Variants in NAV3 observed in about 807,000 individuals in gnomAD.
NAV3 encodes the protein pore membrane and/or filament interacting like protein 1.
In NAV3, 87 loss-of-function variants were observed where a neutral mutation model predicts 244.7. The observed-to-expected ratio is 0.36, with a 90% CI of 0.30 to 0.42. The LOEUF is 0.42. NAV3 is among the 20% of genes least tolerant of loss of function. NAV3 has a pLI of 1.00. For missense variants in NAV3, 2,663 were observed against 2,893.3 expected, an observed-to-expected ratio of 0.92 and a Z score of 1.83; for synonymous variants, 1,126 against 1,042.2, an observed-to-expected ratio of 1.08 and a Z score of -1.55.
At chr12:78,209,650 C>T (rs1363023465) in intron 39 of NAV3, among the ~76,000 whole-genome samples, 1 of 152,028 alleles carries the variant, frequency 6.6e-6, no homozygotes, top group Non-Finnish European at 1.5e-5. Flanking sequence ...ATGCTAGCTG[C>T]CTTTCTCCCC....
chr12:77,946,749 A>T, intron 3 of NAV3, among the ~76,000 whole-genome samples: 1 of 152,304 alleles, frequency 6.6e-6, no homozygotes, highest in African/African-American at 2.4e-5. Flanking sequence ...AATAGCAAAA[A>T]TATGTCCAAC....
rs2136594975 is a variant in NAV3, at chr12:78,007,274, G to A, written c.1736G>A (p.Cys579Tyr). 1 of 1,614,196 alleles carries A rather than the reference G, an allele frequency of 6.2e-7. No homozygotes were observed. The highest frequency in any genetic ancestry group is 8.5e-7 in the Non-Finnish European group (1 of 1,180,036). ...ITMEKASASS[C>Y]PAPLEGREAG... is the part of the protein sequence containing the mutation. Reference sequence around the variant, plus strand: ...ATGGAGAAAGCAAGTGCTTCTAGTTGTCCTGCCCCTTTGGAAGGAAGGGAA... The same window carrying A: ...ATGGAGAAAGCAAGTGCTTCTAGTTATCCTGCCCCTTTGGAAGGAAGGGAA... The change falls in exon 8 of 40, where the codon TGT becomes TAT. Residue 579 changes from cysteine (C) to tyrosine (Y), a missense_variant. By Grantham distance (194) the Cys-to-Tyr change is radical (BLOSUM62 -2). Coordinates refer to ENST00000397909, the MANE Select transcript of NAV3 (RefSeq NM_001024383.2).
intron 2 of NAV3, among the ~76,000 whole-genome samples, chr12:77,611,796 T>A (rs1437623916): frequency 6.6e-6 from 1 of 151,966 alleles, no homozygotes; most frequent in Non-Finnish European, 1.5e-5. Flanking sequence ...TAAGTATAAT[T>A]TTTTTTACTT....
intron 2 of NAV3, among the ~76,000 whole-genome samples, chr12:77,613,317 CA>C (rs1871003834): frequency 6.6e-6 from 1 of 152,106 alleles, no homozygotes; most frequent in Non-Finnish European, 1.5e-5. Context: ...ACTTTTATTT[CA>C]CTTGACCAGC....
intron 5 of NAV3, among the ~76,000 whole-genome samples, chr12:77,975,820 A>G (rs1868331712): frequency 6.6e-6 from 1 of 152,228 alleles, no homozygotes; most frequent in Non-Finnish European, 1.5e-5. Flanking sequence ...ATGTGCCATG[A>G]GGAACATAAA....
chr12:77,851,880 G>A (rs188611739), intron 1 of NAV3, among the ~76,000 whole-genome samples: 4 of 152,228 alleles, frequency 2.6e-5, no homozygotes, highest in East Asian at 3.9e-4. Flanking sequence ...GCCAGATGCC[G>A]TTAGAGGTGC....
intron 8 of NAV3, among the ~76,000 whole-genome samples, chr12:78,020,539 C>A (rs2136791587): frequency 6.6e-6 from 1 of 152,184 alleles, no homozygotes; most frequent in South Asian, 2.1e-4. Flanking sequence ...ATAGTTCTTT[C>A]TTTCATATAT....
At chr12:78,063,869 A>G (rs989460717) in intron 12 of NAV3, among the ~76,000 whole-genome samples, 1 of 152,168 alleles carries the variant, frequency 6.6e-6, no homozygotes, top group Non-Finnish European at 1.5e-5. Flanking sequence ...AATGTGGACA[A>G]GGAGACGAGA....
intron 1 of NAV3, among the ~76,000 whole-genome samples, chr12:77,855,910 ATTG>A (rs1230065442): frequency 6.6e-6 from 1 of 152,208 alleles, no homozygotes; most frequent in East Asian, 1.9e-4. Flanking sequence ...CTAAAAAGTC[ATTG>A]TTGTTTTAAT....
chr12:77,744,364 T>A (rs1868428973), intron 2 of NAV3, among the ~76,000 whole-genome samples: 1 of 152,006 alleles, frequency 6.6e-6, no homozygotes, highest in African/African-American at 2.4e-5. Flanking sequence ...TGAAAAGCTT[T>A]TATTTATTTT....
At chr12:77,893,370 G>C (rs1256028224) in intron 1 of NAV3, among the ~76,000 whole-genome samples, 3 of 152,070 alleles carry the variant, frequency 2.0e-5, no homozygotes. Context: ...TGACTAATAT[G>C]AAGTTTTTTC....
At chr12:77,577,264 C>T (rs186726477) in intron 2 of NAV3, among the ~76,000 whole-genome samples, 5 of 152,098 alleles carry the variant, frequency 3.3e-5, no homozygotes, top group African/African-American at 1.2e-4. Context: ...CTGGCATCCT[C>T]TAAGGATGAA....
upstream of NAV3, among the ~76,000 whole-genome samples, chr12:77,826,025 A>G (rs1872979425): frequency 6.6e-6 from 1 of 152,156 alleles, no homozygotes; most frequent in African/African-American, 2.4e-5. Context: ...AAGACTGAAG[A>G]TATGAAGTAT....
rs2138642271 is a variant in NAV3, at chr12:78,119,951, G to A, written c.3749+6G>A. The A allele has an allele frequency of 1.9e-6, 3 of 1,600,952 alleles. No individual in the cohort carries two copies. Among genetic ancestry groups the A allele is most frequent in the Non-Finnish European group, 2.6e-6 (3 of 1,173,178 alleles). The stretch of plus-strand genomic sequence containing the variant: ...GCCTCACCCACATTTCGAAGGTAAG[G>A]ATGTATAAAATGATGCTGGAAAAAT... On this transcript the variant is annotated splice_donor_region_variant and intron_variant, in intron 15 of 39. Coordinates refer to ENST00000397909, the MANE Select transcript of NAV3 (RefSeq NM_001024383.2).
At chr12:78,139,487 T>C (rs1029725196) in intron 19 of NAV3, among the ~76,000 whole-genome samples, 1 of 152,198 alleles carries the variant, frequency 6.6e-6, no homozygotes, top group Non-Finnish European at 1.5e-5. Context: ...ACATCGTTCA[T>C]ACTCAACTAA....
chr12:78,102,951 T>C (rs692980), intron 12 of NAV3, among the ~76,000 whole-genome samples: 29,754 of 151,980 alleles, frequency 0.2, 2,936 homozygotes, highest in Non-Finnish European at 0.22. Context: ...CAGTGAAGGG[T>C]GGGGCTGCCA....
chr12:77,964,125 G>A (rs1892310038), intron 3 of NAV3, among the ~76,000 whole-genome samples: 1 of 151,348 alleles, frequency 6.6e-6, no homozygotes, highest in African/African-American at 2.4e-5. Context: ...TGCAAGTTGA[G>A]AGAGAGAGTT....
chr12:77,653,871 C>T (rs980807827), intron 2 of NAV3, among the ~76,000 whole-genome samples: 2 of 151,960 alleles, frequency 1.3e-5, no homozygotes, highest in Non-Finnish European at 2.9e-5. Context: ...TGTATATATG[C>T]ATATATGTGG....
At chr12:78,195,058 C>T (rs934396975) in intron 34 of NAV3, among the ~76,000 whole-genome samples, 3 of 151,910 alleles carry the variant, frequency 2.0e-5, no homozygotes, top group Non-Finnish European at 4.4e-5. Flanking sequence ...TTCTTAAATG[C>T]TATTTCCTTT....
Sources: gnomAD v4.1 joint callset for allele counts (sites outside exome capture counted in the v4.1 genomes callset) on GRCh38, gnomAD v4.1.1 for gene constraint, MANE v1.5 for transcripts, NCBI Gene and HGNC (gene_info 2026-07-23, HGNC 2026-07-21) for gene names.